CDH18: variants seen among roughly 807,000 people sequenced by gnomAD.
The protein encoded by CDH18 is cadherin-18.
In CDH18, 31 loss-of-function variants were observed where a neutral mutation model predicts 67.9. The observed-to-expected ratio is 0.46, with a 90% CI of 0.34 to 0.62. The LOEUF (loss-of-function observed/expected upper bound fraction) is 0.62. CDH18 is among the 20% of genes least tolerant of loss of function. The pLI is 0.01. For synonymous variants in CDH18, 362 were observed against 347.2 expected (o/e 1.04, Z -0.48); for missense variants, 890 against 975.5 (o/e 0.91, Z 1.17).
chr5:19,701,221 C>T (rs1303947449), intron 5 of CDH18, among the ~76,000 whole-genome samples: 1 of 151,970 alleles, frequency 6.6e-6, no homozygotes, highest in Non-Finnish European at 1.5e-5. Flanking sequence ...CTGTGAAGGA[C>T]AACTTCTCTT....
At chr5:20,259,466 C>T (rs1298732351) in intron 1 of CDH18, among the ~76,000 whole-genome samples, 1 of 152,142 alleles carries the variant, frequency 6.6e-6, no homozygotes, top group East Asian at 1.9e-4. Flanking sequence ...CCTTTTCCTC[C>T]TCCTACTCAG....
At chr5:19,810,399 C>A (rs1176047211) in intron 3 of CDH18, among the ~76,000 whole-genome samples, 1 of 151,766 alleles carries the variant, frequency 6.6e-6, no homozygotes. Context: ...CATTTTAAGA[C>A]AAATTCAAGT....
chr5:19,997,272 T>A (rs1445515010), intron 2 of CDH18, among the ~76,000 whole-genome samples: 1 of 152,128 alleles, frequency 6.6e-6, no homozygotes, highest in East Asian at 1.9e-4. Flanking sequence ...TGGCCCTAGC[T>A]ATTTAAATTT....
chr5:20,402,774 T>C (rs1342316913), intron 1 of CDH18, among the ~76,000 whole-genome samples: 1 of 151,988 alleles, frequency 6.6e-6, no homozygotes, highest in Non-Finnish European at 1.5e-5. Flanking sequence ...GGGGTGGCTG[T>C]GCAGTTTCTT....
chr5:19,654,737 C>T (rs1445948809), intron 5 of CDH18, among the ~76,000 whole-genome samples: 2 of 152,130 alleles, frequency 1.3e-5, no homozygotes, highest in Admixed American at 6.5e-5. Flanking sequence ...CACAGACAAA[C>T]TGAAGGATGG....
chr5:19,603,389 T>TAA (rs1747486574), intron 6 of CDH18, among the ~76,000 whole-genome samples: 9 of 152,112 alleles, frequency 5.9e-5, no homozygotes, highest in Admixed American at 5.9e-4. Flanking sequence ...AAACAATGGG[T>TAA]ACAAAGTTTT....
chr5:20,271,443 A>C (rs1745427153), intron 1 of CDH18, among the ~76,000 whole-genome samples: 1 of 152,300 alleles, frequency 6.6e-6, no homozygotes, highest in Non-Finnish European at 1.5e-5. Flanking sequence ...CTTTACTACA[A>C]AGAAATGACA....
chr5:20,257,209 T>TG (rs1744318761), intron 1 of CDH18, among the ~76,000 whole-genome samples: 1 of 152,038 alleles, frequency 6.6e-6, no homozygotes, highest in Admixed American at 6.6e-5. Flanking sequence ...AGTGTTCAGG[T>TG]GGGCTGTCAT....
chr5:20,495,182 C>T (rs1423042282), intron 1 of CDH18, among the ~76,000 whole-genome samples: 2 of 152,050 alleles, frequency 1.3e-5, no homozygotes, highest in Non-Finnish European at 2.9e-5. Context: ...AAACCTCTGA[C>T]AGCTCATTCT....
chr5:20,511,287 A>G (rs2126485152), intron 1 of CDH18, among the ~76,000 whole-genome samples: 2 of 152,318 alleles, frequency 1.3e-5, no homozygotes, highest in East Asian at 3.9e-4. Flanking sequence ...TACTAAGTAT[A>G]GAAAGTACTA....
intron 1 of CDH18, among the ~76,000 whole-genome samples, chr5:20,540,728 T>C (rs1757006597): frequency 6.6e-6 from 1 of 152,204 alleles, no homozygotes; most frequent in South Asian, 2.1e-4. Context: ...TACGAATATT[T>C]AGGATCACCA....
At chr5:19,489,162 A>T (rs1207099857) in intron 11 of CDH18, among the ~76,000 whole-genome samples, 1 of 152,094 alleles carries the variant, frequency 6.6e-6, no homozygotes, top group Non-Finnish European at 1.5e-5. Flanking sequence ...TCCACCTAGT[A>T]TATAGAAAAA....
intron 2 of CDH18, among the ~76,000 whole-genome samples, chr5:20,188,169 T>A (rs1353099146): frequency 6.6e-6 from 1 of 152,012 alleles, no homozygotes; most frequent in Non-Finnish European, 1.5e-5. Context: ...ATATACAATT[T>A]TTTAAAGCCC....
chr5:19,754,758 A>G (rs935979425), intron 3 of CDH18, among the ~76,000 whole-genome samples: 1 of 152,220 alleles, frequency 6.6e-6, no homozygotes, highest in Admixed American at 6.5e-5. Flanking sequence ...ACCATATGAT[A>G]GGCCACAAAA....
intron 3 of CDH18, among the ~76,000 whole-genome samples, chr5:19,815,296 CA>C (rs746369750): frequency 1.3e-4 from 19 of 151,842 alleles, no homozygotes; most frequent in Admixed American, 8.5e-4. Context: ...GTATAAGATT[CA>C]GATGTCACGT....
At chr5:20,434,228 A>G (rs745897338) in intron 1 of CDH18, among the ~76,000 whole-genome samples, 3 of 152,100 alleles carry the variant, frequency 2.0e-5, no homozygotes, top group Non-Finnish European at 2.9e-5. Flanking sequence ...TTCAATAAAT[A>G]AGGTTAAATC....
chr5:19,687,520 C>T (rs1253592696), intron 5 of CDH18, among the ~76,000 whole-genome samples: 2 of 152,162 alleles, frequency 1.3e-5, no homozygotes, highest in Non-Finnish European at 2.9e-5. Flanking sequence ...CAGCAAACTT[C>T]GTTGGCATAG....
intron 7 of CDH18, among the ~76,000 whole-genome samples, chr5:19,573,870 A>C (rs1275319162): frequency 4.6e-5 from 7 of 152,124 alleles, no homozygotes. Context: ...CAATGTCTAT[A>C]ATTTTTGGAG....
intron 2 of CDH18, among the ~76,000 whole-genome samples, chr5:20,233,855 G>A (rs962511128): frequency 3.9e-5 from 6 of 152,004 alleles, no homozygotes; most frequent in Admixed American, 3.3e-4. Flanking sequence ...CAGTGTTCTT[G>A]TAAAAATGTG....
Sources: allele counts gnomAD v4.1 joint callset (sites outside exome capture counted in the v4.1 genomes callset), GRCh38; gene constraint gnomAD v4.1.1; transcripts MANE v1.5; gene names NCBI Gene and HGNC (gene_info 2026-07-23, HGNC 2026-07-21).